Variants in LRRC4B observed in about 807,000 individuals in gnomAD.
The protein encoded by LRRC4B is leucine-rich repeat-containing protein 4B.
Under a neutral mutation model 7.3 loss-of-function variants are expected in LRRC4B, and 1 was observed. The observed-to-expected ratio is 0.14, with a 90% confidence interval of 0.05 to 0.65. The LOEUF (loss-of-function observed/expected upper bound fraction) is 0.65, where lower values mean the gene tolerates loss of function less well. LRRC4B is among the 30% of genes least tolerant of loss of function. The probability of loss-of-function intolerance (pLI) is 0.84; values close to 1 mark genes in which losing one functional copy is unlikely to be tolerated. For synonymous variants in LRRC4B, 500 were observed against 499.2 expected (o/e 1.00, Z -0.02); for missense variants, 730 against 1,041.6 (o/e 0.70, Z 4.12).
rs372147140 is a variant in LRRC4B at position 50,518,030 on chromosome 19, C to T, written c.1683G>A (p.Thr561=). ...KAFTVPITDV[T]ENALKDLDDV... is the part of the protein sequence containing the mutation. ...CGTCCAGGTCCTTGAGGGCGTTCTC[C>T]GTCACATCCGTGATGGGCACCGTGA... is the stretch of plus-strand genomic sequence containing the variant. The change falls in exon 3 of 3, where the codon ACG becomes ACA. Residue 561 remains threonine (T), a synonymous_variant. Transcript: ENST00000652263. The T allele has an allele frequency of 1.9e-4, 299 of 1,555,498 alleles. No individual in the cohort carries two copies. Among genetic ancestry groups the T allele is most frequent in the Non-Finnish European group, 2.4e-4 (282 of 1,154,770 alleles).
Position 50,526,742 on chromosome 19 carries a change from TAAAAATTGGCCAAAATACA to T in LRRC4B, c.298-7346_298-7328del, listed in dbSNP as rs1289400303. ...TAGGAAAAAATGTATGAGAAGAAAA[TAAAAATTGGCCAAAATACA>T]TCTACCCAGAGCTAATTTATGTTAA... On this transcript the variant is annotated intron_variant, in intron 2 of 2. Coordinates refer to ENST00000652263, the MANE Select transcript of LRRC4B (RefSeq NM_001080457.2). Among the ~76,000 whole-genome samples the T allele has an allele frequency of 3.9e-5, 6 of 152,006 alleles. No homozygotes were observed. In the East Asian group the frequency reaches 1.2e-3, roughly 29 times the overall value.
In LRRC4B at chr19:50,518,321, G is replaced by A. The variant is rs1378185465; in HGVS notation, c.1392C>T (p.Thr464=). Reference sequence around the variant, plus strand: ...CCCCAGGGCCGCCCCCGCCGCTGCCGGTGCCCCCGGCCGCCACGGGGTCCA... The same window carrying A: ...CCCCAGGGCCGCCCCCGCCGCTGCCAGTGCCCCCGGCCGCCACGGGGTCCA... ...SAVDPVAAGG[T]GSGGGGPGGS... is the part of the protein sequence containing the mutation. The change falls in exon 3 of 3, where the codon ACC becomes ACT. Residue 464 remains threonine, a synonymous_variant. Transcript: ENST00000652263. The A allele has an allele frequency of 6.2e-7, 1 of 1,605,784 alleles. No homozygotes were observed. Among genetic ancestry groups the A allele is most frequent in the Non-Finnish European group, 8.5e-7 (1 of 1,177,094 alleles).
chr19:50,566,954 G>A (rs1299473938), intron 1 of LRRC4B, among the ~76,000 whole-genome samples: 1 of 151,574 alleles, frequency 6.6e-6, no homozygotes, highest in Non-Finnish European at 1.5e-5. Context: ...TGGGAGGAGG[G>A]AGCTAGAGGA....
At chr19:50,543,015 C>A (rs1380791329) in intron 2 of LRRC4B, among the ~76,000 whole-genome samples, 1 of 152,134 alleles carries the variant, frequency 6.6e-6, no homozygotes, top group Non-Finnish European at 1.5e-5. Context: ...TCTGAGCCAC[C>A]CCCCAGAGCT....
At chr19:50,560,617 G>A (rs1568737688) in intron 1 of LRRC4B, among the ~76,000 whole-genome samples, 1 of 152,218 alleles carries the variant, frequency 6.6e-6, no homozygotes, top group African/African-American at 2.4e-5. Context: ...GGTGGAAAGA[G>A]TGTTGGTGTT....
intron 2 of LRRC4B, among the ~76,000 whole-genome samples, chr19:50,530,020 G>T (rs1365923124): frequency 1.3e-5 from 2 of 151,416 alleles, no homozygotes; most frequent in African/African-American, 4.9e-5. Flanking sequence ...AAGCGGGGCT[G>T]CGGCCTTGCC....
chr19:50,546,092 T>C (rs1392020533), intron 2 of LRRC4B, among the ~76,000 whole-genome samples: 1 of 151,552 alleles, frequency 6.6e-6, no homozygotes, highest in Non-Finnish European at 1.5e-5. Context: ...CCCAGCACTT[T>C]GGGAGGCCGA....
At chr19:50,566,373 C>T (rs1479756688) in intron 1 of LRRC4B, among the ~76,000 whole-genome samples, 12 of 133,470 alleles carry the variant, frequency 9.0e-5, no homozygotes, top group African/African-American at 3.0e-4. Flanking sequence ...GAGAGGGGGG[C>T]GGGGAGGGGG....
intron 1 of LRRC4B, among the ~76,000 whole-genome samples, chr19:50,549,846 G>A (rs567372431): frequency 4.6e-5 from 7 of 152,260 alleles, no homozygotes; most frequent in South Asian, 2.1e-4. Flanking sequence ...CCGCAGGACC[G>A]AGCTTGGTTC....
chr19:50,549,345 C>T (rs1285516556), intron 1 of LRRC4B, among the ~76,000 whole-genome samples: 2 of 152,220 alleles, frequency 1.3e-5, no homozygotes, highest in Non-Finnish European at 2.9e-5. Context: ...CAACACCCGC[C>T]CGGTCCCCTT....
chr19:50,522,459 A>ATTATTTATTTAT (rs71332009), intron 2 of LRRC4B, among the ~76,000 whole-genome samples: 9,208 of 147,122 alleles, frequency 0.063, 318 homozygotes, highest in Middle Eastern at 0.1. Flanking sequence ...TATTTTATTT[A>ATTATTTATTTAT]TTATTTATTT....
At chr19:50,538,359 G>A (rs934585122) in intron 2 of LRRC4B, among the ~76,000 whole-genome samples, 22 of 151,960 alleles carry the variant, frequency 1.4e-4, no homozygotes, top group Non-Finnish European at 2.6e-4. Context: ...CACCGCGCCC[G>A]GCCCTCCCAC....
intron 2 of LRRC4B, among the ~76,000 whole-genome samples, chr19:50,530,630 C>CT (rs1981013813): frequency 1.3e-5 from 2 of 152,194 alleles, no homozygotes; most frequent in African/African-American, 4.8e-5. Context: ...TTGCGAGCTG[C>CT]TCTGAAGGCT....
intron 2 of LRRC4B, among the ~76,000 whole-genome samples, chr19:50,539,979 C>T (rs970026697): frequency 6.6e-6 from 1 of 151,576 alleles, no homozygotes; most frequent in Non-Finnish European, 1.5e-5. Flanking sequence ...CCCTGTAATA[C>T]TAATGCAAAG....
intron 2 of LRRC4B, among the ~76,000 whole-genome samples, chr19:50,543,044 G>A (rs553391749): frequency 6.7e-6 from 1 of 149,478 alleles, no homozygotes; most frequent in East Asian, 2.0e-4. Context: ...GGCGTCGCAG[G>A]GATTCGCGTC....
chr19:50,564,886 C>G (rs1315102222), intron 1 of LRRC4B, among the ~76,000 whole-genome samples: 1 of 151,532 alleles, frequency 6.6e-6, no homozygotes, highest in South Asian at 2.1e-4. Flanking sequence ...CCCCCGCCCC[C>G]AATCCCCAAC....
At chr19:50,551,271 C>A (rs1473266678) in intron 1 of LRRC4B, among the ~76,000 whole-genome samples, 2 of 151,746 alleles carry the variant, frequency 1.3e-5, no homozygotes, top group Non-Finnish European at 2.9e-5. Context: ...GGGGTCTCTG[C>A]CTCCCCAGTT....
chr19:50,526,379 C>CT lies in LRRC4B; in HGVS notation c.298-6965dup, dbSNP rs1980807543. Among the ~76,000 whole-genome samples the CT allele has an allele frequency of 2.0e-5, 3 of 152,278 alleles. No individual in the cohort carries two copies. In the South Asian group the frequency reaches 6.2e-4, roughly 32 times the overall value. On this transcript the variant is annotated intron_variant, in intron 2 of 2. Transcript: ENST00000652263. ...CCTTCAACACCTAGTTCCAGGGTCACTTACACAGGAGGATGTCCTGGTCCC... is the reference window on the plus strand; with the variant it reads ...CCTTCAACACCTAGTTCCAGGGTCACTTTACACAGGAGGATGTCCTGGTCCC...
At chr19:50,544,550 A>T (rs985160468) in intron 2 of LRRC4B, among the ~76,000 whole-genome samples, 1 of 151,836 alleles carries the variant, frequency 6.6e-6, no homozygotes, top group Non-Finnish European at 1.5e-5. Context: ...ATAAAAAAAT[A>T]AAAAAGCTAA....
Sources: allele counts gnomAD v4.1 joint callset (sites outside exome capture counted in the v4.1 genomes callset), GRCh38; gene constraint gnomAD v4.1.1; transcripts MANE v1.5; gene names NCBI Gene and HGNC (gene_info 2026-07-23, HGNC 2026-07-21).